Variants in SMYD3 observed in about 807,000 individuals in gnomAD.
SMYD3 encodes SET and MYND domain containing 3.
In SMYD3, 36 loss-of-function variants were observed where a neutral mutation model predicts 57.7. That is an observed-to-expected ratio of 0.62 (90% CI 0.48 to 0.82). The LOEUF (loss-of-function observed/expected upper bound fraction) is 0.82. Among genes scored for constraint, SMYD3 ranks in the 40% least tolerant of loss-of-function variants. The pLI, the probability that SMYD3 is intolerant of heterozygous loss-of-function variation, is 0.00. For synonymous variants in SMYD3, 211 were observed against 195.0 expected, an observed-to-expected ratio of 1.08 and a Z score of -0.68; for missense variants, 515 against 538.8, an observed-to-expected ratio of 0.96 and a Z score of 0.44.
chr1:246,020,185 C>T (rs1214458404), intron 5 of SMYD3, among the ~76,000 whole-genome samples: 2 of 152,220 alleles, frequency 1.3e-5, no homozygotes, highest in Admixed American at 6.5e-5. Context: ...CAGCAGACTG[C>T]TGACTGCAAT....
intron 1 of SMYD3, among the ~76,000 whole-genome samples, chr1:246,390,386 A>G (rs1303896718): frequency 6.6e-6 from 1 of 152,116 alleles, no homozygotes; most frequent in Non-Finnish European, 1.5e-5. Flanking sequence ...GATAACATAT[A>G]TAGATGGACA....
chr1:246,394,463 G>T (rs957972240), intron 1 of SMYD3, among the ~76,000 whole-genome samples: 2 of 152,226 alleles, frequency 1.3e-5, no homozygotes, highest in African/African-American at 4.8e-5. Flanking sequence ...AGGAACCTAT[G>T]GCAGAGGCCG....
At chr1:245,822,501 A>G (rs1281620332) in intron 10 of SMYD3, among the ~76,000 whole-genome samples, 1 of 151,318 alleles carries the variant, frequency 6.6e-6, no homozygotes, top group Non-Finnish European at 1.5e-5. Context: ...TACATATGTA[A>G]CTAACCTGCA....
chr1:246,253,117 T>C (rs2063822189), intron 5 of SMYD3, among the ~76,000 whole-genome samples: 2 of 150,930 alleles, frequency 1.3e-5, no homozygotes, highest in Non-Finnish European at 2.9e-5. Context: ...CTGGGATTGT[T>C]GTGTTTTGAA....
intron 1 of SMYD3, among the ~76,000 whole-genome samples, chr1:246,380,500 G>A (rs2066369556): frequency 6.6e-6 from 1 of 152,146 alleles, no homozygotes; most frequent in Non-Finnish European, 1.5e-5. Flanking sequence ...TATTTTAAAT[G>A]GAAAATGTTA....
At chr1:245,998,140 T>C (rs1358987656) in intron 5 of SMYD3, among the ~76,000 whole-genome samples, 4 of 152,202 alleles carry the variant, frequency 2.6e-5, no homozygotes, top group African/African-American at 9.6e-5. Flanking sequence ...CTCTGAGGCT[T>C]GGCTCACAGT....
intron 5 of SMYD3, among the ~76,000 whole-genome samples, chr1:245,988,206 C>T (rs979934483): frequency 6.6e-6 from 1 of 152,118 alleles, no homozygotes; most frequent in African/African-American, 2.4e-5. Flanking sequence ...TCCTAACCAA[C>T]AGAGCTTCCC....
intron 5 of SMYD3, among the ~76,000 whole-genome samples, chr1:246,293,166 C>A (rs2064728568): frequency 6.6e-6 from 1 of 151,844 alleles, no homozygotes; most frequent in African/African-American, 2.4e-5. Flanking sequence ...TCATATCACC[C>A]CCTAAAGAAT....
At chr1:246,211,457 C>G (rs935091778) in intron 5 of SMYD3, among the ~76,000 whole-genome samples, 20 of 152,006 alleles carry the variant, frequency 1.3e-4, no homozygotes, top group African/African-American at 4.6e-4. Context: ...TAACCAATAA[C>G]AACAAAATGT....
chr1:245,793,818 T>C (rs2047406789), intron 10 of SMYD3, among the ~76,000 whole-genome samples: 1 of 152,216 alleles, frequency 6.6e-6, no homozygotes, highest in African/African-American at 2.4e-5. Flanking sequence ...TCCTCTCTTT[T>C]ATAAAGAGTT....
chr1:245,838,233 A>C, intron 10 of SMYD3, among the ~76,000 whole-genome samples: 1 of 152,300 alleles, frequency 6.6e-6, no homozygotes, highest in South Asian at 2.1e-4. Context: ...CGCTTGGTTC[A>C]TATTGGACAG....
intron 5 of SMYD3, among the ~76,000 whole-genome samples, chr1:246,312,820 G>T (rs548688060): frequency 6.6e-6 from 1 of 152,238 alleles, no homozygotes; most frequent in African/African-American, 2.4e-5. Flanking sequence ...GAAGGACAAT[G>T]ATGAGCAGGT....
chr1:245,839,221 C>G (rs1245546158), intron 10 of SMYD3, among the ~76,000 whole-genome samples: 1 of 152,124 alleles, frequency 6.6e-6, no homozygotes, highest in Non-Finnish European at 1.5e-5. Flanking sequence ...CCAGGCCGGA[C>G]TGCAGTGGTG....
At chr1:246,074,050 A>G (rs2060503037) in intron 5 of SMYD3, among the ~76,000 whole-genome samples, 1 of 152,160 alleles carries the variant, frequency 6.6e-6, no homozygotes, top group Admixed American at 6.5e-5. Flanking sequence ...TTAAAACATA[A>G]GTTTTTTTGT....
intron 5 of SMYD3, among the ~76,000 whole-genome samples, chr1:246,042,445 C>G (rs1156995382): frequency 6.6e-6 from 1 of 152,136 alleles, no homozygotes; most frequent in African/African-American, 2.4e-5. Context: ...GTGAGGAGCT[C>G]AGCACCTTCC....
At chr1:246,342,670 A>G (rs552457610) in intron 2 of SMYD3, among the ~76,000 whole-genome samples, 1 of 152,352 alleles carries the variant, frequency 6.6e-6, no homozygotes, top group East Asian at 1.9e-4. Context: ...GAGCAAGAGC[A>G]TCTTCTCACT....
intron 5 of SMYD3, among the ~76,000 whole-genome samples, chr1:246,028,577 T>C (rs2059616212): frequency 6.6e-6 from 1 of 152,214 alleles, no homozygotes; most frequent in Non-Finnish European, 1.5e-5. Flanking sequence ...TGGTAGAAAC[T>C]GAAGAGAATA....
intron 5 of SMYD3, among the ~76,000 whole-genome samples, chr1:246,261,239 T>C (rs1408642461): frequency 1.3e-5 from 2 of 151,966 alleles, no homozygotes; most frequent in East Asian, 3.9e-4. Context: ...TTTGTATTTT[T>C]AGTAGAGCTG....
chr1:246,402,004 G>T (rs1333982472), intron 1 of SMYD3, among the ~76,000 whole-genome samples: 4 of 152,202 alleles, frequency 2.6e-5, no homozygotes, highest in Admixed American at 1.3e-4. Flanking sequence ...TTACAGGCGT[G>T]GGCCGCCGTG....
Sources: gnomAD v4.1 joint callset for allele counts (sites outside exome capture counted in the v4.1 genomes callset) on GRCh38, gnomAD v4.1.1 for gene constraint, MANE v1.5 for transcripts, NCBI Gene and HGNC (gene_info 2026-07-23, HGNC 2026-07-21) for gene names.